The following SLC8A2 variants were observed in gnomAD, a reference collection of about 807,000 sequenced individuals.
SLC8A2 encodes the protein solute carrier family 8 member A2, also known as sodium/calcium exchanger 2.
SLC8A2 carries 14 observed loss-of-function variants against 70.2 expected under a neutral mutation model. The observed-to-expected ratio is 0.20, with a 90% confidence interval of 0.13 to 0.31. The LOEUF (loss-of-function observed/expected upper bound fraction) is 0.31, where lower values mean the gene tolerates loss of function less well. Ranked by LOEUF, SLC8A2 falls within the 10% of genes least tolerant of loss-of-function variation. The pLI is 1.00. For missense variants in SLC8A2, 779 were observed against 1,320.1 expected (o/e 0.59, Z 6.35); for synonymous variants, 575 against 594.3 (o/e 0.97, Z 0.47).
chr19:47,432,717 T>A lies in SLC8A2; in HGVS notation c.2111-272A>T, dbSNP rs1463872553. The A allele has an allele frequency of 7.3e-6, 3 of 412,508 alleles. No individual in the cohort carries two copies. The highest frequency in any genetic ancestry group is 1.3e-5 in the Non-Finnish European group (3 of 233,526). 25.6% of individuals were successfully genotyped at this position (412,508 alleles called of 1,614,324 possible). A position where few individuals can be genotyped will look rare whatever the true frequency, so the allele number is the denominator to read the frequency against. ...ATGGCTAAGTCAGCAGTAAAAACAG[T>A]TACTTCCATAGAATCCCTTGGAGCT... is the stretch of plus-strand genomic sequence containing the variant. On this transcript the variant is annotated intron_variant, in intron 8 of 9. Coordinates refer to ENST00000236877, the MANE Select transcript of SLC8A2 (RefSeq NM_015063.3). The surrounding 1 kb of genome is among the most constrained non-coding windows in gnomAD (Gnocchi z 6.2).
chr19:47,432,170 G>T lies in SLC8A2; in HGVS notation c.2386C>A (p.Pro796Thr). ...CCAAAGTCTCCCAGGGTGTTACCAG[G>T]GATGGAGGTGCCCAGGGCAACGAAG... ...VVFVALGTSI[P>T]DTFASKVAAL... Residue 796 changes from proline to threonine, a missense_variant, in exon 9 of 10, where the codon CCT becomes ACT. Pro to Thr is a conservative substitution (Grantham distance 38, BLOSUM62 -1). This residue lies in a region of SLC8A2 where 108 missense variants were observed against 269.6 expected (regional missense o/e 0.40). Transcript: ENST00000236877. The surrounding 1 kb of genome is among the most constrained non-coding windows in gnomAD (Gnocchi z 6.2). 6.2e-7 allele frequency: 1 copy of T among 1,607,316 alleles called. No individual in the cohort carries two copies. Among genetic ancestry groups the T allele is most frequent in the Non-Finnish European group, 8.5e-7 (1 of 1,175,668 alleles).
intron 2 of SLC8A2, among the ~76,000 whole-genome samples, chr19:47,459,875 C>G (rs1014852401): frequency 6.6e-6 from 1 of 152,168 alleles, no homozygotes; most frequent in African/African-American, 2.4e-5. Flanking sequence ...ATGCTGAGAA[C>G]CATGCCCAGC....
chr19:47,436,258 C>T (rs1466546131), intron 8 of SLC8A2, among the ~76,000 whole-genome samples: 2 of 152,212 alleles, frequency 1.3e-5, no homozygotes, highest in African/African-American at 2.4e-5. Flanking sequence ...GGAACCGCAT[C>T]AGGGCTTTCC....
chr19:47,451,299 C>T (rs10409004), intron 3 of SLC8A2, among the ~76,000 whole-genome samples: 7,924 of 150,246 alleles, frequency 0.053, 274 homozygotes, highest in East Asian at 0.13. Context: ...TAAGCCACCG[C>T]GCCCAGACCT....
intron 1 of SLC8A2, among the ~76,000 whole-genome samples, chr19:47,467,836 C>CAA (rs35745146): frequency 0.015 from 589 of 38,346 alleles, 2 homozygotes; most frequent in Middle Eastern, 0.053. Context: ...TCTAAAAATA[C>CAA]AAAAAAAAAA....
chr19:47,440,192 C>T (rs138919808), intron 6 of SLC8A2, among the ~76,000 whole-genome samples: 6 of 152,220 alleles, frequency 3.9e-5, no homozygotes, highest in Non-Finnish European at 7.4e-5. Flanking sequence ...AACCTAAATT[C>T]CTCAAACTCT....
Position 47,466,437 on chromosome 19 carries a change from G to A in SLC8A2, c.-16-18C>T. On this transcript the variant is annotated intron_variant, in intron 1 of 9. Transcript: ENST00000236877. The surrounding 1 kb of genome is among the most constrained non-coding windows in gnomAD (Gnocchi z 6.9). ...GTGGGGTCCTATGGGGGAGGAGGAG[G>A]AGGTCTGGGTGAGGGAAGCAAACCT... 4 of 921,470 alleles carry A rather than the reference G, an allele frequency of 4.3e-6. No homozygotes were observed. Among genetic ancestry groups the A allele is most frequent in the Non-Finnish European group, 3.2e-6 (2 of 630,230 alleles). 57.1% of individuals were successfully genotyped at this position (921,470 alleles called of 1,614,324 possible). A position where few individuals can be genotyped will look rare whatever the true frequency, so the allele number is the denominator to read the frequency against.
At chr19:47,441,134 C>T (rs772436879) in intron 6 of SLC8A2, 35 bp downstream of exon 6, 22 of 1,604,014 alleles carry the variant, frequency 1.4e-5, no homozygotes, top group Non-Finnish European at 1.9e-5. Context: ...CCAGTGGCTC[C>T]TCCCCACTCA....
chr19:47,446,821 T>C (rs1967168404), intron 4 of SLC8A2, among the ~76,000 whole-genome samples: 1 of 151,010 alleles, frequency 6.6e-6, no homozygotes, highest in African/African-American at 2.4e-5. Context: ...ATTACAGGTG[T>C]TGACCACCAC....
chr19:47,457,731 A>G (rs1202728410), intron 2 of SLC8A2, 137 bp from the exon 3 acceptor site: 1 of 431,488 alleles, frequency 2.3e-6, no homozygotes, highest in Non-Finnish European at 3.9e-6. Flanking sequence ...GTCTCTCCCT[A>G]TCCCTTTCTG....
chr19:47,464,246 G>A (rs1967431196), intron 2 of SLC8A2, among the ~76,000 whole-genome samples: 1 of 151,982 alleles, frequency 6.6e-6, no homozygotes, highest in Admixed American at 6.6e-5. Context: ...CGAGTAGCTG[G>A]GATTACAGGC....
Position 47,447,722 on chromosome 19 carries a change from G to T in SLC8A2, c.1763+87C>A. Reference sequence around the variant, plus strand: ...AAGACCCGCCCACTATGTGGGCATGGCTCACCCAGGCCCCGCCCCTGAGCC... The same window carrying T: ...AAGACCCGCCCACTATGTGGGCATGTCTCACCCAGGCCCCGCCCCTGAGCC... On this transcript the variant is annotated intron_variant, in intron 4 of 9. Transcript: ENST00000236877. The surrounding 1 kb of genome is among the most constrained non-coding windows in gnomAD (Gnocchi z 5.1). 7.4e-7 allele frequency: 1 copy of T among 1,351,894 alleles called. No individual in the cohort carries two copies. Among genetic ancestry groups the T allele is most frequent in the African/African-American group, 1.6e-5 (1 of 64,004 alleles). 83.7% of individuals were successfully genotyped at this position (1,351,894 alleles called of 1,614,324 possible).
Position 47,447,210 on chromosome 19 carries a change from A to C in SLC8A2, c.1763+599T>G, listed in dbSNP as rs1967174566. Among the ~76,000 whole-genome samples, 1 of 149,348 alleles carries C rather than the reference A, an allele frequency of 6.7e-6. No homozygotes were observed. The highest frequency in any genetic ancestry group is 2.5e-5 in the African/African-American group (1 of 40,236). On this transcript the variant is annotated intron_variant, in intron 4 of 9. Coordinates refer to ENST00000236877, the MANE Select transcript of SLC8A2 (RefSeq NM_015063.3). This position sits in a 1 kb window ranked among gnomAD's most constrained non-coding sequence, Gnocchi z 5.1. ...CCCACATCCATTTTCCCATTTCCTG[A>C]TGTCGTATGTCCAAACCCAGACCCC...
intron 9 of SLC8A2, among the ~76,000 whole-genome samples, chr19:47,431,683 AAAC>A (rs1568438670): frequency 2.9e-5 from 3 of 103,854 alleles, no homozygotes; most frequent in Non-Finnish European, 7.1e-5. Context: ...AAAAAAAACA[AAAC>A]CCAAAAAAAC....
chr19:47,455,845 T>A (rs555396152), intron 3 of SLC8A2, among the ~76,000 whole-genome samples: 1 of 152,248 alleles, frequency 6.6e-6, no homozygotes, highest in African/African-American at 2.4e-5. Context: ...ATCACAGATT[T>A]GCAAGGAGAG....
At chr19:47,444,176 G>A (rs1967131376) in intron 4 of SLC8A2, among the ~76,000 whole-genome samples, 1 of 152,122 alleles carries the variant, frequency 6.6e-6, no homozygotes, top group Admixed American at 6.5e-5. Flanking sequence ...TTACAGGTGT[G>A]AGCCACAGCA....
At position 47,468,148 on chromosome 19, in the gene SLC8A2, G is replaced by A. The variant is rs900496920; in HGVS notation, c.-16-1729C>T. Among the ~76,000 whole-genome samples the A allele has an allele frequency of 1.9e-4, 29 of 150,974 alleles. No homozygotes were observed. The highest frequency in any genetic ancestry group is 5.6e-4 in the African/African-American group (23 of 41,038). On this transcript the variant is annotated intron_variant, in intron 1 of 9. Coordinates refer to ENST00000236877, the MANE Select transcript of SLC8A2 (RefSeq NM_015063.3). The surrounding 1 kb of genome is among the most constrained non-coding windows in gnomAD (Gnocchi z 5.1). ...GTGAGGTCCTGCCCAACCTGGCCCCGACTCCCTCTCTGGCCTCTTTTCCCA... is the reference window on the plus strand; with the variant it reads ...GTGAGGTCCTGCCCAACCTGGCCCCAACTCCCTCTCTGGCCTCTTTTCCCA...
chr19:47,437,642 T>A, intron 7 of SLC8A2, 81 bp from the exon 8 acceptor site: 1 of 1,259,408 alleles, frequency 7.9e-7, no homozygotes, highest in South Asian at 1.2e-5. Flanking sequence ...GGTCGGGGGC[T>A]CACAGCCTGT....
At chr19:47,455,331 T>G (rs559967449) in intron 3 of SLC8A2, among the ~76,000 whole-genome samples, 52 of 152,304 alleles carry the variant, frequency 3.4e-4, no homozygotes, top group African/African-American at 1.2e-3. Context: ...GTAGAACCTC[T>G]GAAAAGCTCA....
Sources: allele counts gnomAD v4.1 joint callset (sites outside exome capture counted in the v4.1 genomes callset), GRCh38; gene constraint gnomAD v4.1.1; regional missense constraint gnomAD v4.1.1; non-coding constraint Gnocchi (gnomAD v3.1); transcripts MANE v1.5; gene names NCBI Gene and HGNC (gene_info 2026-07-23, HGNC 2026-07-21).